PHTF1: variants seen among roughly 807,000 people sequenced by gnomAD.
PHTF1 encodes the protein putative homeodomain transcription factor 1.
In PHTF1, 88 loss-of-function variants were observed where a neutral mutation model predicts 102.4. That is an observed-to-expected ratio of 0.86 (90% CI 0.72 to 1.03). The LOEUF is 1.03. PHTF1 is among the 50% of genes least tolerant of loss of function. PHTF1 has a pLI of 0.00. For synonymous variants in PHTF1, 289 were observed against 305.2 expected, an observed-to-expected ratio of 0.95 and a Z score of 0.55; for missense variants, 814 against 909.5, an observed-to-expected ratio of 0.89 and a Z score of 1.35.
At chr1:113,710,662 G>A (rs995175429) in intron 10 of PHTF1, among the ~76,000 whole-genome samples, 187 bp from the exon 11 acceptor site, 1 of 151,362 alleles carries the variant, frequency 6.6e-6, no homozygotes, top group Admixed American at 6.6e-5. Context: ...ACAGGGTCGC[G>A]CTCTGTCACC....
At chr1:113,720,421 T>A (rs1270282887) in intron 7 of PHTF1, among the ~76,000 whole-genome samples, 2 of 152,158 alleles carry the variant, frequency 1.3e-5, no homozygotes, top group African/African-American at 4.8e-5. Context: ...TTGGACTTAA[T>A]CTACACTACA....
At chr1:113,702,891 A>AAT (rs1483926215) in intron 15 of PHTF1, among the ~76,000 whole-genome samples, 1 of 152,234 alleles carries the variant, frequency 6.6e-6, no homozygotes, top group Non-Finnish European at 1.5e-5. Flanking sequence ...TTCCAGATTA[A>AAT]AGGAGACTAA....
chr1:113,709,576 G>T (rs182443828), intron 11 of PHTF1, among the ~76,000 whole-genome samples: 103 of 152,278 alleles, frequency 6.8e-4, no homozygotes, highest in Non-Finnish European at 1.3e-3. Flanking sequence ...AGCTCCAGAA[G>T]TATTTAAGAG....
At chr1:113,706,406 A>T (rs1054860401) in intron 12 of PHTF1, among the ~76,000 whole-genome samples, 188 bp downstream of exon 12, 1 of 152,088 alleles carries the variant, frequency 6.6e-6, no homozygotes, top group Non-Finnish European at 1.5e-5. Flanking sequence ...AATAATGTAT[A>T]TACTACCATG....
At chr1:113,754,823 A>C (rs747302533) in intron 3 of PHTF1, among the ~76,000 whole-genome samples, 4 of 152,200 alleles carry the variant, frequency 2.6e-5, no homozygotes, top group Non-Finnish European at 5.9e-5. Flanking sequence ...TAAAGTTCTT[A>C]GTAAAGCAGT....
In PHTF1 at chr1:113,699,753, T is replaced by C; in HGVS notation, c.2093A>G (p.Gln698Arg). ...TAATACATTGTTTACTAGAGTAAGCTGTTCTTTCTTATTTGGCTTTTTTTC... is the reference window on the plus strand; with the variant it reads ...TAATACATTGTTTACTAGAGTAAGCCGTTCTTTCTTATTTGGCTTTTTTTC... ...KMEKKPNKKEQLTLVNNVLKL... is the reference protein window; with the variant it reads ...KMEKKPNKKERLTLVNNVLKL... Residue 698 changes from glutamine to arginine, a missense_variant, in exon 17 of 19, where the codon CAG (glutamine) becomes CGG (arginine). Transcript: ENST00000369604. The C allele has an allele frequency of 6.8e-7, 1 of 1,466,686 alleles. No homozygotes were observed. The highest frequency in any genetic ancestry group is 9.4e-7 in the Non-Finnish European group (1 of 1,059,628). The allele number at this position is 1,466,686 out of a possible 1,614,324, so 90.9% of individuals were successfully genotyped here. A position where few individuals can be genotyped will look rare whatever the true frequency, so the allele number is the denominator to read the frequency against.
At chr1:113,704,908 T>C (rs1649898064) in intron 13 of PHTF1, 111 bp from the exon 14 acceptor site, 2 of 804,620 alleles carry the variant, frequency 2.5e-6, no homozygotes. Flanking sequence ...AATGAAGTTC[T>C]AATCAGTGTT....
chr1:113,699,423 G>A, intron 17 of PHTF1: 1 of 572,192 alleles, frequency 1.7e-6, no homozygotes, highest in South Asian at 1.6e-5. Flanking sequence ...ACAGAGAAGA[G>A]GCAGATCTCC....
intron 5 of PHTF1, among the ~76,000 whole-genome samples, chr1:113,736,917 G>A (rs922839862): frequency 1.3e-5 from 2 of 152,202 alleles, no homozygotes; most frequent in Non-Finnish European, 2.9e-5. Context: ...TTATTCTAAG[G>A]TCAACAGAAG....
intron 7 of PHTF1, among the ~76,000 whole-genome samples, chr1:113,722,721 T>C (rs1239404556): frequency 6.7e-6 from 1 of 149,084 alleles, no homozygotes; most frequent in South Asian, 2.1e-4. Context: ...GAGACCAGCC[T>C]GGCCAACATG....
chr1:113,758,937 T>G, intron 1 of PHTF1, 86 bp downstream of exon 1: 1 of 1,133,704 alleles, frequency 8.8e-7, no homozygotes, highest in Non-Finnish European at 1.1e-6. Context: ...CGGGCGAGCG[T>G]GTTCGTGGGT....
intron 1 of PHTF1, 94 bp from the exon 2 acceptor site, chr1:113,758,827 C>T: frequency 7.0e-7 from 1 of 1,419,994 alleles, no homozygotes; most frequent in Non-Finnish European, 9.2e-7. Context: ...CTCAGCCTCT[C>T]CATGAGCTGC....
chr1:113,698,418 A>AT, intron 17 of PHTF1, 31 bp from the exon 18 acceptor site: 1 of 1,605,260 alleles, frequency 6.2e-7, no homozygotes, highest in South Asian at 1.1e-5. Flanking sequence ...TTGAAATGAG[A>AT]TACATGTTTT....
chr1:113,758,960 C>T (rs1659298086), intron 1 of PHTF1, 63 bp downstream of exon 1: 4 of 1,108,212 alleles, frequency 3.6e-6, no homozygotes, highest in East Asian at 1.1e-4. Flanking sequence ...GGGGGAGGGG[C>T]AGGGGCCGCC....
rs1023402223 is a variant in PHTF1, at chr1:113,716,426, C to T, written c.624-2988G>A. Among the ~76,000 whole-genome samples, 3 of 148,894 alleles carry T rather than the reference C, an allele frequency of 2.0e-5. No individual in the cohort carries two copies. In the Admixed American group the frequency reaches 2.0e-4, roughly 10 times the overall value. On this transcript the variant is annotated intron_variant, in intron 7 of 18. Transcript: ENST00000369604. Reference sequence around the variant, plus strand: ...CTGTCACAATTACAGCTCACTACTGCCTCAACGTCCTGGGCTCAGGCGATC... The same window carrying T: ...CTGTCACAATTACAGCTCACTACTGTCTCAACGTCCTGGGCTCAGGCGATC...
Position 113,711,771 on chromosome 1 carries a change from T to A in PHTF1, c.1022A>T (p.Glu341Val). The A allele has an allele frequency of 6.2e-7, 1 of 1,613,840 alleles. No homozygotes were observed. Among genetic ancestry groups the A allele is most frequent in the Non-Finnish European group, 8.5e-7 (1 of 1,179,710 alleles). The change falls in exon 10 of 19, where the codon GAA becomes GTA. Residue 341 changes from glutamate to valine, a missense_variant. Transcript: ENST00000369604. Reference protein sequence around the residue: ...VRDSDSLAESEFESAAFSQGS... With the variant: ...VRDSDSLAESVFESAAFSQGS... ...CTGGCTGAAGGCTGCTGATTCAAAT[T>A]CTGATTCAGCCAGACTATCTGAATC...
intron 3 of PHTF1, among the ~76,000 whole-genome samples, chr1:113,743,878 C>T (rs915453025): frequency 2.0e-5 from 3 of 152,168 alleles, no homozygotes; most frequent in African/African-American, 4.8e-5. Context: ...CCTCACTTTA[C>T]GGATAAGGCA....
rs1343900498 is a variant in PHTF1 at position 113,696,945 on chromosome 1, A to G, written c.*760T>C. On this transcript the variant is annotated 3_prime_UTR_variant, in exon 19 of 19. Transcript: ENST00000369604. ...TTAGGAACCACAACTCAGATGATCTATATGGAAACAATGCTTCCATGGCTT... is the reference window on the plus strand; with the variant it reads ...TTAGGAACCACAACTCAGATGATCTGTATGGAAACAATGCTTCCATGGCTT... The G allele has an allele frequency of 6.6e-6, 1 of 152,344 alleles. No individual in the cohort carries two copies. The highest frequency in any genetic ancestry group is 2.4e-5 in the African/African-American group (1 of 41,578). The allele number at this position is 152,344 out of a possible 1,614,324, so 9.4% of individuals were successfully genotyped here.
At chr1:113,714,268 C>G (rs936412174) in intron 7 of PHTF1, 2 of 152,226 alleles carry the variant, frequency 1.3e-5, no homozygotes, top group Non-Finnish European at 2.9e-5. Flanking sequence ...AAAGGGGACT[C>G]TGTCTTACAG....
Sources: allele counts gnomAD v4.1 joint callset (sites outside exome capture counted in the v4.1 genomes callset), GRCh38; gene constraint gnomAD v4.1.1; transcripts MANE v1.5; gene names NCBI Gene and HGNC (gene_info 2026-07-23, HGNC 2026-07-21).